KCNC2: variants seen among roughly 807,000 people sequenced by gnomAD.
KCNC2 encodes the protein potassium voltage-gated channel subfamily C member 2.
Under a neutral mutation model 44.5 loss-of-function variants are expected in KCNC2, and 21 were observed. The observed-to-expected ratio is 0.47, with a 90% CI of 0.33 to 0.68. The LOEUF is 0.68. Among genes scored for constraint, KCNC2 ranks in the 30% least tolerant of loss-of-function variants. The pLI, the probability that KCNC2 is intolerant of heterozygous loss-of-function variation, is 0.01. For synonymous variants in KCNC2, 391 were observed against 339.1 expected (o/e 1.15, Z -1.68); for missense variants, 589 against 826.2 (o/e 0.71, Z 3.52).
Position 75,201,296 on chromosome 12 carries a change from AAAC to A in KCNC2, c.687+5998_687+6000del, listed in dbSNP as rs1488265293. The stretch of plus-strand genomic sequence containing the variant: ...AAAAAAAAAAAAAAAAAAAAAAAAA[AAAC>A]CAGATTCTGGTTTACTTTATTAGTG... On this transcript the variant is annotated intron_variant, in intron 2 of 4. Coordinates refer to ENST00000549446, the MANE Select transcript of KCNC2 (RefSeq NM_139137.4). Among the ~76,000 whole-genome samples, 47 of 56,184 alleles carry A rather than the reference AAAC, an allele frequency of 8.4e-4. 15 individuals are homozygous for A. The highest frequency in any genetic ancestry group is 5.8e-3 in the African/African-American group (43 of 7,396). The allele number at this position is 56,184 out of a possible 152,430, so 36.9% of individuals were successfully genotyped here. A position where few individuals can be genotyped will look rare whatever the true frequency, so the allele number is the denominator to read the frequency against.
chr12:75,117,522 G>A (rs1007360336), intron 2 of KCNC2, among the ~76,000 whole-genome samples: 2 of 152,082 alleles, frequency 1.3e-5, no homozygotes, highest in East Asian at 1.9e-4. Context: ...CAGTCACTTC[G>A]CTACAGTTTT....
At chr12:75,083,475 C>A (rs563461301) in intron 2 of KCNC2, among the ~76,000 whole-genome samples, 1 of 151,952 alleles carries the variant, frequency 6.6e-6, no homozygotes, top group African/African-American at 2.4e-5. Context: ...AAGAGAATAA[C>A]ACATTAGAAA....
chr12:75,171,018 G>A (rs149699683), intron 2 of KCNC2, among the ~76,000 whole-genome samples: 62 of 151,550 alleles, frequency 4.1e-4, no homozygotes, highest in African/African-American at 1.3e-3. Context: ...GCCACTCTTC[G>A]GTCTTAACCA....
chr12:75,062,355 C>G (rs2136995659), intron 2 of KCNC2, among the ~76,000 whole-genome samples: 1 of 152,176 alleles, frequency 6.6e-6, no homozygotes, highest in Non-Finnish European at 1.5e-5. Context: ...AAACTCTGGT[C>G]ATCAATACTG....
intron 2 of KCNC2, among the ~76,000 whole-genome samples, chr12:75,190,712 G>A (rs1250105152): frequency 6.6e-6 from 1 of 151,970 alleles, no homozygotes; most frequent in Non-Finnish European, 1.5e-5. Context: ...TAAAGAAATT[G>A]GAAAATATAT....
chr12:75,174,382 AGGTAAAGTAATTGAAT>A (rs1217691910), intron 2 of KCNC2, among the ~76,000 whole-genome samples: 1 of 151,912 alleles, frequency 6.6e-6, no homozygotes, highest in Admixed American at 6.6e-5. Flanking sequence ...AAATGTTCTT[AGGTAAAGTAATTGAAT>A]GGGCATCTTA....
chr12:75,184,355 C>A (rs1002638149), intron 2 of KCNC2, among the ~76,000 whole-genome samples: 2 of 152,138 alleles, frequency 1.3e-5, no homozygotes, highest in African/African-American at 4.8e-5. Context: ...CCAGGTTAAT[C>A]ATCTAGTTCA....
chr12:75,108,007 T>C (rs1886928048), intron 2 of KCNC2, among the ~76,000 whole-genome samples: 1 of 152,122 alleles, frequency 6.6e-6, no homozygotes, highest in African/African-American at 2.4e-5. Context: ...AAATAAAAAG[T>C]CACAAAAATC....
intron 2 of KCNC2, among the ~76,000 whole-genome samples, chr12:75,062,051 A>G (rs569539918): frequency 6.6e-6 from 1 of 152,234 alleles, no homozygotes; most frequent in Admixed American, 6.6e-5. Flanking sequence ...TAATAATAAC[A>G]CTAATAGATA....
chr12:75,128,936 G>A (rs1009759392), intron 2 of KCNC2, among the ~76,000 whole-genome samples: 4 of 152,114 alleles, frequency 2.6e-5, no homozygotes, highest in African/African-American at 9.7e-5. Context: ...TGAAACTAAG[G>A]TCAGGCTGTC....
chr12:75,090,293 T>A (rs1430489432), intron 2 of KCNC2, among the ~76,000 whole-genome samples: 1 of 151,752 alleles, frequency 6.6e-6, no homozygotes, highest in Non-Finnish European at 1.5e-5. Flanking sequence ...AAATAAATCT[T>A]CAAAATCATA....
intron 2 of KCNC2, among the ~76,000 whole-genome samples, chr12:75,141,183 C>T (rs976909514): frequency 2.0e-5 from 3 of 152,094 alleles, no homozygotes; most frequent in African/African-American, 4.8e-5. Flanking sequence ...TAACCTGTCC[C>T]TCAAATGTTT....
chr12:75,134,223 T>TA (rs572290183), intron 2 of KCNC2, among the ~76,000 whole-genome samples: 47 of 151,712 alleles, frequency 3.1e-4, no homozygotes, highest in Non-Finnish European at 6.0e-4. Flanking sequence ...TAAAATATAA[T>TA]AAAAAAAGTT....
intron 2 of KCNC2, among the ~76,000 whole-genome samples, chr12:75,090,093 C>G (rs1189752830): frequency 6.6e-6 from 1 of 151,650 alleles, no homozygotes; most frequent in African/African-American, 2.4e-5. Flanking sequence ...TTTGGGGGTG[C>G]TCCCTTATAA....
intron 2 of KCNC2, among the ~76,000 whole-genome samples, chr12:75,174,306 A>G (rs1216130033): frequency 6.6e-6 from 1 of 151,890 alleles, no homozygotes; most frequent in Non-Finnish European, 1.5e-5. Context: ...GATCGGAATT[A>G]TTGAATTTAC....
intron 2 of KCNC2, among the ~76,000 whole-genome samples, chr12:75,129,918 C>A (rs117855460): frequency 1.1e-3 from 164 of 152,288 alleles, no homozygotes; most frequent in Non-Finnish European, 1.7e-3. Context: ...AAAAAGAAAT[C>A]TCATGAATAG....
chr12:75,069,186 G>A (rs1176263256), intron 2 of KCNC2, among the ~76,000 whole-genome samples: 1 of 103,886 alleles, frequency 9.6e-6, no homozygotes, highest in Non-Finnish European at 1.8e-5. Context: ...CCAGGCTGGA[G>A]TGCAAAGACG....
intron 2 of KCNC2, among the ~76,000 whole-genome samples, chr12:75,112,345 A>G (rs1034085478): frequency 6.6e-6 from 1 of 152,016 alleles, no homozygotes; most frequent in Non-Finnish European, 1.5e-5. Flanking sequence ...GCACCACTGA[A>G]GATTACATTT....
intron 2 of KCNC2, among the ~76,000 whole-genome samples, chr12:75,137,798 A>G (rs1482303404): frequency 6.6e-6 from 1 of 152,186 alleles, no homozygotes; most frequent in Non-Finnish European, 1.5e-5. Flanking sequence ...ATCACCATCA[A>G]ATATTCTCAA....
Sources: allele counts gnomAD v4.1 joint callset (sites outside exome capture counted in the v4.1 genomes callset), GRCh38; gene constraint gnomAD v4.1.1; transcripts MANE v1.5; gene names NCBI Gene and HGNC (gene_info 2026-07-23, HGNC 2026-07-21).